POLA1: variants seen among roughly 807,000 people sequenced by gnomAD.
POLA1 encodes the protein DNA polymerase alpha catalytic subunit.
A neutral mutation model predicts 124.0 loss-of-function variants in POLA1; 15 were observed. That is an observed-to-expected ratio of 0.12 (90% CI 0.08 to 0.19). POLA1 has a LOEUF of 0.19. POLA1 is among the 10% of genes least tolerant of loss of function. The pLI, the probability that POLA1 is intolerant of heterozygous loss-of-function variation, is 1.00. For synonymous variants in POLA1, 408 were observed against 389.4 expected (o/e 1.05, Z -0.56); for missense variants, 886 against 1,103.4 (o/e 0.80, Z 2.79).
At chrX:24,727,391 A>G (rs1311728007) in intron 14 of POLA1, among the ~76,000 whole-genome samples, 4 of 111,255 alleles carry the variant, frequency 3.6e-5, no homozygotes, top group African/African-American at 9.8e-5. Context: ...GAGGAGAATC[A>G]CTATTCAATA....
In POLA1 at chrX:24,826,506, C is replaced by T. The variant is rs1390264046; in HGVS notation, c.3641C>T (p.Thr1214Ile). ...LQKQDNLTID[T>I]QYYLAQQIHP... is the part of the protein sequence containing the mutation. Reference sequence around the variant, plus strand: ...AAACAGGATAATCTAACCATTGACACCCAGTACTACCTGGCCCAGCAGATC... The same window carrying T: ...AAACAGGATAATCTAACCATTGACATCCAGTACTACCTGGCCCAGCAGATC... The change falls in exon 32 of 37, where the codon ACC (threonine) becomes ATC (isoleucine). Residue 1214 changes from threonine to isoleucine, a missense_variant. Coordinates refer to ENST00000379068, the MANE Select transcript of POLA1 (RefSeq NM_001330360.2). 3.3e-6 allele frequency: 4 copies of T among 1,200,858 alleles called. No individual in the cohort carries two copies. The highest frequency in any genetic ancestry group is 3.5e-5 in the African/African-American group (2 of 56,898).
rs1042013594 is a variant in POLA1, at chrX:24,996,204, C to T, written c.*254C>T. The T allele has an allele frequency of 2.3e-5, 6 of 265,144 alleles. No individual in the cohort carries two copies. Among genetic ancestry groups the T allele is most frequent in the African/African-American group, 1.7e-4 (6 of 35,839 alleles). The allele number at this position is 265,144 out of a possible 1,213,427, so 21.9% of individuals were successfully genotyped here. On this transcript the variant is annotated 3_prime_UTR_variant, in exon 37 of 37. Transcript: ENST00000379068. ...AACTCCAGAGCCCCTCCCCAAGCTCCCCTCCCCAAGCTCCTGAAGACCCGG... is the reference window on the plus strand; with the variant it reads ...AACTCCAGAGCCCCTCCCCAAGCTCTCCTCCCCAAGCTCCTGAAGACCCGG...
intron 26 of POLA1, among the ~76,000 whole-genome samples, chrX:24,762,298 C>G (rs1033377457): frequency 8.9e-6 from 1 of 111,963 alleles, no homozygotes; most frequent in African/African-American, 3.2e-5. Flanking sequence ...ATTCAAGGAC[C>G]TTGTCTTCAT....
At chrX:24,748,284 G>C (rs1189540842) in intron 24 of POLA1, 27 bp from the exon 25 acceptor site, 1 of 1,124,737 alleles carries the variant, frequency 8.9e-7, no homozygotes, top group East Asian at 3.1e-5. Flanking sequence ...AGTTTGATTT[G>C]TGTGAAATTT....
chrX:24,881,250 C>T (rs1280569465), intron 34 of POLA1, among the ~76,000 whole-genome samples: 1 of 112,046 alleles, frequency 8.9e-6, no homozygotes, highest in Non-Finnish European at 1.9e-5. Flanking sequence ...ACCAGATGGA[C>T]ACTGACCAGG....
chrX:24,814,905 C>A, intron 29 of POLA1, 74 bp from the exon 30 acceptor site: 6 of 933,952 alleles, frequency 6.4e-6, no homozygotes, highest in Non-Finnish European at 8.6e-6. Flanking sequence ...TCTCTTCCTT[C>A]TTCTCCTTTA....
chrX:24,826,832 T>A (rs1414750773), intron 32 of POLA1, among the ~76,000 whole-genome samples: 2 of 111,725 alleles, frequency 1.8e-5, no homozygotes, highest in African/African-American at 6.5e-5. Flanking sequence ...ACTCACTGAA[T>A]ACTGAGGGAA....
At chrX:24,989,764 G>A (rs763716861) in intron 36 of POLA1, among the ~76,000 whole-genome samples, 13 of 110,463 alleles carry the variant, frequency 1.2e-4, no homozygotes, top group Non-Finnish European at 2.1e-4. Flanking sequence ...GGGTGGGGGT[G>A]GGTGATGAAC....
At chrX:24,921,442 A>G (rs1340594323) in intron 35 of POLA1, among the ~76,000 whole-genome samples, 1 of 112,466 alleles carries the variant, frequency 8.9e-6, no homozygotes, top group Non-Finnish European at 1.9e-5. Context: ...ATCCACATTT[A>G]ACTGTGTCAC....
At position 24,769,241 on chromosome X, in the gene POLA1, G is replaced by A. The variant is rs187310262; in HGVS notation, c.2964+20249G>A. Among the ~76,000 whole-genome samples, 36 of 111,587 alleles carry A rather than the reference G, an allele frequency of 3.2e-4. No homozygotes were observed. The East Asian group carries it at 5.1e-3, about 16-fold the overall frequency. On this transcript the variant is annotated intron_variant, in intron 26 of 36. Coordinates refer to ENST00000379068, the MANE Select transcript of POLA1 (RefSeq NM_001330360.2). ...TTTCGGGGGTTTGAAATATGTGCTG[G>A]CACGGGGTTTCATTGGCTGGATTAA...
At chrX:24,909,249 A>G (rs1027214895) in intron 35 of POLA1, among the ~76,000 whole-genome samples, 1 of 111,548 alleles carries the variant, frequency 9.0e-6, no homozygotes, top group African/African-American at 3.3e-5. Context: ...ATTAGATCCC[A>G]TTTGTCAATT....
In POLA1 at chrX:24,748,977, A is replaced by G. The variant is rs370595759; in HGVS notation, c.2949A>G (p.Thr983=). 1 of 1,197,760 alleles carries G rather than the reference A, an allele frequency of 8.3e-7. No homozygotes were observed. The highest frequency in any genetic ancestry group is 1.1e-6 in the Non-Finnish European group (1 of 884,116). The change falls in exon 26 of 37, where the codon ACA becomes ACG. Residue 983 remains threonine (T), a synonymous_variant. Coordinates refer to ENST00000379068, the MANE Select transcript of POLA1 (RefSeq NM_001330360.2). ...CCAAACCACTGGCTGCCTTGGTGAC[A>G]TACAAAGGAAGGGAGGTAAATGGCG... ...FYAKPLAALV[T]YKGREILMHT...
chrX:24,981,565 T>C (rs889560689), intron 36 of POLA1, among the ~76,000 whole-genome samples: 2 of 112,770 alleles, frequency 1.8e-5, no homozygotes, highest in African/African-American at 6.4e-5. Context: ...CACACTACAC[T>C]ATAATCAGAA....
chrX:24,916,511 G>A (rs1456418957), intron 35 of POLA1, among the ~76,000 whole-genome samples: 2 of 109,961 alleles, frequency 1.8e-5, no homozygotes, highest in Non-Finnish European at 3.8e-5. Flanking sequence ...ACTCCTGACC[G>A]CAGGTGATCC....
intron 25 of POLA1, 37 bp downstream of exon 25, chrX:24,748,497 C>G (rs1395809508): frequency 1.3e-5 from 14 of 1,086,669 alleles, no homozygotes; most frequent in Non-Finnish European, 1.8e-5. Flanking sequence ...GAGTGACAGT[C>G]TCAGCTTTTA....
At chrX:24,861,253 C>G (rs2046712275) in intron 34 of POLA1, among the ~76,000 whole-genome samples, 2 of 112,222 alleles carry the variant, frequency 1.8e-5, no homozygotes, top group African/African-American at 6.5e-5. Flanking sequence ...CCGCCTGAGC[C>G]CCCCAAGTAG....
intron 36 of POLA1, among the ~76,000 whole-genome samples, chrX:24,969,649 T>TC (rs2048275684): frequency 9.0e-6 from 1 of 111,714 alleles, no homozygotes; most frequent in Admixed American, 9.5e-5. Flanking sequence ...ATTTTTTTTT[T>TC]CCTTCAACTT....
At chrX:24,944,354 A>G (rs373196858) in intron 36 of POLA1, among the ~76,000 whole-genome samples, 1 of 110,687 alleles carries the variant, frequency 9.0e-6, no homozygotes, top group East Asian at 2.8e-4. Context: ...TTATTTTTGT[A>G]CTGCTCCCAA....
rs2230927 is a variant in POLA1, at chrX:24,741,394, T to G, written c.2236T>G (p.Tyr746Asp). 2 of 1,193,271 alleles carry G rather than the reference T, an allele frequency of 1.7e-6. No individual in the cohort carries two copies. Among genetic ancestry groups the G allele is most frequent in the Admixed American group, 2.2e-5 (1 of 45,588 alleles). Reference sequence around the variant, plus strand: ...GTACAGTGAATCTTCTCAACTGTTATACCTGTTGGAACACACCTGGAAAGA... The same window carrying G: ...GTACAGTGAATCTTCTCAACTGTTAGACCTGTTGGAACACACCTGGAAAGA... ...NMYSESSQLL[Y>D]LLEHTWKDAK... The change falls in exon 21 of 37, where the codon TAC (tyrosine) becomes GAC (aspartate). Residue 746 changes from tyrosine (Y) to aspartate (D), a missense_variant. Physicochemically the swap from Tyr to Asp is radical, Grantham distance 160 (BLOSUM62 -3). Around this residue, in one of 7 missense-constraint regions of POLA1, gnomAD observed 182 missense variants for 252.8 expected, o/e 0.72. Transcript: ENST00000379068.
Sources: allele counts gnomAD v4.1 joint callset (sites outside exome capture counted in the v4.1 genomes callset), GRCh38; gene constraint gnomAD v4.1.1; regional missense constraint gnomAD v4.1.1; transcripts MANE v1.5; gene names NCBI Gene and HGNC (gene_info 2026-07-23, HGNC 2026-07-21).